LRRC15: variants seen among roughly 807,000 people sequenced by gnomAD.
The protein encoded by LRRC15 is leucine-rich repeat-containing protein 15.
LRRC15 carries 5 observed loss-of-function variants against 4.3 expected under a neutral mutation model. The ratio of observed to expected loss-of-function variants is 1.16; its 90% CI spans 0.61 to 2.44. LRRC15 has a LOEUF of 2.44. Ranked by LOEUF, LRRC15 falls within the 30% of genes most tolerant of loss-of-function variation. The pLI, the probability that LRRC15 is intolerant of heterozygous loss-of-function variation, is 0.01. For missense variants in LRRC15, 769 were observed against 747.0 expected, an observed-to-expected ratio of 1.03 and a Z score of -0.34; for synonymous variants, 337 against 323.2, an observed-to-expected ratio of 1.04 and a Z score of -0.46.
At position 194,360,399 on chromosome 3, in the gene LRRC15, G is replaced by A. The variant is rs778150129; in HGVS notation, c.645C>T (p.Gly215=). 1 of 1,614,178 alleles carries A rather than the reference G, an allele frequency of 6.2e-7. No individual in the cohort carries two copies. Among genetic ancestry groups the A allele is most frequent in the Admixed American group, 1.7e-5 (1 of 60,032 alleles). Residue 215 remains glycine (G), a synonymous_variant, in exon 2 of 2, where the codon GGC becomes GGT. Coordinates refer to ENST00000347624, the MANE Select transcript of LRRC15 (RefSeq NM_130830.5). The part of the protein sequence containing the change: ...YENRLTDIPM[G]TFDGLVNLQE... Reference sequence around the variant, plus strand: ...GCAGGTTAACAAGCCCATCAAAAGTGCCCATGGGGATATCCGTGAGCCTGT... The same window carrying A: ...GCAGGTTAACAAGCCCATCAAAAGTACCCATGGGGATATCCGTGAGCCTGT...
chr3:194,363,067 G>A (rs1049812439), intron 1 of LRRC15, among the ~76,000 whole-genome samples: 32 of 150,016 alleles, frequency 2.1e-4, no homozygotes, highest in Admixed American at 2.0e-3. Flanking sequence ...TCAGCCTCCC[G>A]AGTAGCTGGA....
At chr3:194,364,715 A>ACT (rs1416976747) in intron 1 of LRRC15, among the ~76,000 whole-genome samples, 1 of 152,226 alleles carries the variant, frequency 6.6e-6, no homozygotes, top group East Asian at 1.9e-4. Context: ...AATGGGCCAC[A>ACT]CTCAGCATGA....
In LRRC15 at chr3:194,359,289, C is replaced by G; in HGVS notation, c.*9G>C. 1 of 1,544,816 alleles carries G rather than the reference C, an allele frequency of 6.5e-7. No individual in the cohort carries two copies. Among genetic ancestry groups the G allele is most frequent in the East Asian group, 2.3e-5 (1 of 44,260 alleles). On this transcript the variant is annotated 3_prime_UTR_variant, in exon 2 of 2. Coordinates refer to ENST00000347624, the MANE Select transcript of LRRC15 (RefSeq NM_130830.5). ...CCATCATTCCCCAGCCCTGCTCCAGCCTGCCTCTTTAACACTCATTGGGTG... is the reference window on the plus strand; with the variant it reads ...CCATCATTCCCCAGCCCTGCTCCAGGCTGCCTCTTTAACACTCATTGGGTG...
chr3:194,367,657 CAA>C (rs1301405133), intron 1 of LRRC15, among the ~76,000 whole-genome samples: 1 of 152,180 alleles, frequency 6.6e-6, no homozygotes, highest in Non-Finnish European at 1.5e-5. Flanking sequence ...TGTCTCTGCT[CAA>C]ATGTAGAGGC....
intron 1 of LRRC15, among the ~76,000 whole-genome samples, chr3:194,369,382 C>T (rs1302939821): frequency 6.6e-6 from 1 of 152,222 alleles, no homozygotes; most frequent in Non-Finnish European, 1.5e-5. Context: ...CATCTCAGCA[C>T]CCCAGGTTGA....
intron 1 of LRRC15, among the ~76,000 whole-genome samples, chr3:194,366,359 G>A (rs1179999031): frequency 6.6e-6 from 1 of 152,232 alleles, no homozygotes; most frequent in Non-Finnish European, 1.5e-5. Flanking sequence ...CGTTTGTGAC[G>A]ATTGTTATTT....
rs770337534 is a variant in LRRC15, at chr3:194,360,231, G to C, written c.813C>G (p.Leu271=). The C allele has an allele frequency of 1.2e-6, 2 of 1,613,862 alleles. No individual in the cohort carries two copies. The highest frequency in any genetic ancestry group is 1.1e-5 in the South Asian group (1 of 91,076). The change falls in exon 2 of 2, where the codon CTC becomes CTG. Residue 271 remains leucine, a synonymous_variant. Coordinates refer to ENST00000347624, the MANE Select transcript of LRRC15 (RefSeq NM_130830.5). ...PPSVFMQLPQ[L]NRLTLFGNSL... ...AATTCCCAAAGAGAGTAAGACGGTT[G>C]AGCTGGGGCAGCTGCATGAAGACGC... is the stretch of plus-strand genomic sequence containing the variant.
chr3:194,360,624 G>T lies in LRRC15; in HGVS notation c.420C>A (p.Ile140=), dbSNP rs138324358. 42 of 1,614,064 alleles carry T rather than the reference G, an allele frequency of 2.6e-5. No individual in the cohort carries two copies. The African/African-American group carries it at 4.0e-4, about 15-fold the overall frequency. Reference sequence around the variant, plus strand: ...TGCACTGGGAGAAGTGGGCCGGCTGGATCTGCAACAGCTGGTTACTGGACA... The same window carrying T: ...TGCACTGGGAGAAGTGGGCCGGCTGTATCTGCAACAGCTGGTTACTGGACA... ...LLLSSNQLLQ[I]QPAHFSQCSN... is the part of the protein sequence containing the mutation. Residue 140 remains isoleucine (I), a synonymous_variant, in exon 2 of 2, where the codon ATC becomes ATA. Coordinates refer to ENST00000347624, the MANE Select transcript of LRRC15 (RefSeq NM_130830.5).
chr3:194,366,220 G>A (rs780607446), intron 1 of LRRC15, among the ~76,000 whole-genome samples: 33 of 152,200 alleles, frequency 2.2e-4, no homozygotes, highest in Non-Finnish European at 4.0e-4. Flanking sequence ...CTCTCCTGGG[G>A]CAGCACATAA....
At position 194,359,960 on chromosome 3, in the gene LRRC15, G is replaced by A. The variant is rs778775076; in HGVS notation, c.1084C>T (p.Arg362Cys). The A allele has an allele frequency of 2.2e-5, 35 of 1,614,054 alleles. No homozygotes were observed. Among genetic ancestry groups the A allele is most frequent in the Middle Eastern group, 3.3e-4 (2 of 6,084 alleles). Residue 362 changes from arginine (R) to cysteine (C), a missense_variant, in exon 2 of 2, where the codon CGC becomes TGC. Coordinates refer to ENST00000347624, the MANE Select transcript of LRRC15 (RefSeq NM_130830.5). ...ALQDLDGNVF[R>C]MLANLQNISL... ...ATGTTCTGCAGGTTGGCCAACATGC[G>A]GAAGACGTTCCCGTCCAGGTCCTGC...
At position 194,359,170 on chromosome 3, in the gene LRRC15, T is replaced by A. The variant is rs6789775; in HGVS notation, c.*128A>T. ...TCAGGCAAGTCAGGAAGAGGTAGGC[T>A]CACCTTTCTCTGGGGCCAGAAAGAG... On this transcript the variant is annotated 3_prime_UTR_variant, in exon 2 of 2. Coordinates refer to ENST00000347624, the MANE Select transcript of LRRC15 (RefSeq NM_130830.5). 202,497 of 864,888 alleles carry A rather than the reference T, an allele frequency of 0.23. 25,212 individuals are homozygous for A. Among genetic ancestry groups the A allele is most frequent in the Non-Finnish European group, 0.26 (149,805 of 572,784 alleles). The allele number at this position is 864,888 out of a possible 1,614,324, so 53.6% of individuals were successfully genotyped here.
At chr3:194,361,303 C>A (rs1006378504) in intron 1 of LRRC15, among the ~76,000 whole-genome samples, 1 of 152,240 alleles carries the variant, frequency 6.6e-6, no homozygotes, top group Non-Finnish European at 1.5e-5. Context: ...CATGCTTCCA[C>A]GTCCAACTCC....
chr3:194,360,117 G>A lies in LRRC15; in HGVS notation c.927C>T (p.Pro309=), dbSNP rs147460018. The part of the protein sequence containing the change: ...WLYDNHISSL[P]DNVFSNLRQL... ...GGCGGAGGTTGCTGAAGACATTGTC[G>A]GGTAGAGAAGAGATGTGGTTGTCAT... Residue 309 remains proline, a synonymous_variant, in exon 2 of 2, where the codon CCC becomes CCT. Transcript: ENST00000347624. 22 of 1,614,204 alleles carry A rather than the reference G, an allele frequency of 1.4e-5. No homozygotes were observed. Among genetic ancestry groups the A allele is most frequent in the African/African-American group, 9.3e-5 (7 of 75,058 alleles).
chr3:194,360,573 G>A lies in LRRC15; in HGVS notation c.471C>T (p.His157=), dbSNP rs143343570. 6.6e-5 allele frequency: 107 copies of A among 1,614,168 alleles called. No individual in the cohort carries two copies. In the African/African-American group the frequency reaches 8.8e-4, roughly 13 times the overall value. The change falls in exon 2 of 2, where the codon CAC becomes CAT. Residue 157 remains histidine, a synonymous_variant. Transcript: ENST00000347624. ...QCSNLKELQL[H]GNHLEYIPDG... is the part of the protein sequence containing the mutation. ...CAGGGATGTATTCCAGGTGGTTGCC[G>A]TGCAACTGCAGCTCCTTGAGGTTGC...
rs1576999496 is a variant in LRRC15, at chr3:194,360,990, T to C, written c.54A>G (p.Ala18=). 1 of 1,540,776 alleles carries C rather than the reference T, an allele frequency of 6.5e-7. No homozygotes were observed. Among genetic ancestry groups the C allele is most frequent in the Non-Finnish European group, 8.7e-7 (1 of 1,150,002 alleles). Residue 18 remains alanine (A), a synonymous_variant, in exon 2 of 2, where the codon GCA becomes GCG. Coordinates refer to ENST00000347624, the MANE Select transcript of LRRC15 (RefSeq NM_130830.5). ...TAGGGCAGCCATGGTAGGCCAACCC[T>C]GCACCCCAGGCTTGGCAGCCCACCA... ...LLLVGCQAWG[A]GLAYHGCPSE...
chr3:194,362,626 G>A (rs1333605515), intron 1 of LRRC15, among the ~76,000 whole-genome samples: 2 of 152,170 alleles, frequency 1.3e-5, no homozygotes, highest in African/African-American at 2.4e-5. Context: ...TTAAAGCCCA[G>A]GTCTCCAGAC....
At chr3:194,363,350 GA>G (rs1577000643) in intron 1 of LRRC15, 1 of 714,212 alleles carries the variant, frequency 1.4e-6, no homozygotes, top group East Asian at 2.7e-5. Context: ...AAAGGAAAAA[GA>G]ATACCTTGTC....
At chr3:194,368,727 A>C (rs1194453466) in intron 1 of LRRC15, among the ~76,000 whole-genome samples, 1 of 152,016 alleles carries the variant, frequency 6.6e-6, no homozygotes, top group Non-Finnish European at 1.5e-5. Flanking sequence ...AGCTGCACCG[A>C]GGTGATGCCC....
chr3:194,358,157 G>A lies in LRRC15; in HGVS notation c.*1141C>T, dbSNP rs900555928. The A allele has an allele frequency of 1.0e-4, 16 of 152,702 alleles. No homozygotes were observed. Among genetic ancestry groups the A allele is most frequent in the African/African-American group, 3.8e-4 (16 of 41,586 alleles). The allele number at this position is 152,702 out of a possible 1,614,324, so 9.5% of individuals were successfully genotyped here. On this transcript the variant is annotated 3_prime_UTR_variant, in exon 2 of 2. Coordinates refer to ENST00000347624, the MANE Select transcript of LRRC15 (RefSeq NM_130830.5). ...CGGGGCCTTTGCACAGGCTGACTGT[G>A]GGGGGACCGTCCTGGCTCATGGGGG...
Sources: gnomAD v4.1 joint callset for allele counts (sites outside exome capture counted in the v4.1 genomes callset) on GRCh38, gnomAD v4.1.1 for gene constraint, MANE v1.5 for transcripts, NCBI Gene and HGNC (gene_info 2026-07-23, HGNC 2026-07-21) for gene names.